IGSF3: variants seen among roughly 807,000 people sequenced by gnomAD.
IGSF3 encodes immunoglobulin superfamily member 3, also known as glu-Trp-Ile EWI motif-containing protein 3.
In IGSF3, 23 loss-of-function variants were observed where a neutral mutation model predicts 114.4. The ratio of observed to expected loss-of-function variants is 0.20; its 90% CI spans 0.14 to 0.28. IGSF3 has a LOEUF of 0.28. IGSF3 is among the 10% of genes least tolerant of loss of function. The probability of loss-of-function intolerance (pLI) is 1.00; values close to 1 mark genes in which losing one functional copy is unlikely to be tolerated. For missense variants in IGSF3, 1,172 were observed against 1,591.5 expected (o/e 0.74, Z 4.48); for synonymous variants, 571 against 645.2 (o/e 0.88, Z 1.74).
intron 4 of IGSF3, among the ~76,000 whole-genome samples, chr1:116,608,869 C>G (rs1359780789): frequency 6.6e-6 from 1 of 152,084 alleles, no homozygotes; most frequent in African/African-American, 2.4e-5. Context: ...CTACCCCCCG[C>G]CATGTGAATA....
intron 4 of IGSF3, among the ~76,000 whole-genome samples, chr1:116,608,970 G>A (rs1363035502): frequency 6.6e-6 from 1 of 152,028 alleles, no homozygotes; most frequent in Non-Finnish European, 1.5e-5. Context: ...CCACCTGTCA[G>A]ATCAAATCTC....
chr1:116,614,230 TC>T lies in IGSF3; in HGVS notation c.422-56del. 1 of 1,465,130 alleles carries T rather than the reference TC, an allele frequency of 6.8e-7. No individual in the cohort carries two copies. The highest frequency in any genetic ancestry group is 9.5e-7 in the Non-Finnish European group (1 of 1,055,280). The allele number at this position is 1,465,130 out of a possible 1,614,324, so 90.8% of individuals were successfully genotyped here. A position where few individuals can be genotyped will look rare whatever the true frequency, so the allele number is the denominator to read the frequency against. Reference sequence around the variant, plus strand: ...GTCACAAAGCCACAGAATCTGAGACTCCCAGGGCTAAGCTCCCATTCCACGC... The same window carrying T: ...GTCACAAAGCCACAGAATCTGAGACTCCAGGGCTAAGCTCCCATTCCACGC... On this transcript the variant is annotated intron_variant, in intron 3 of 10. Coordinates refer to ENST00000369486, the MANE Select transcript of IGSF3 (RefSeq NM_001007237.3). This position sits in a 1 kb window ranked among gnomAD's most constrained non-coding sequence, Gnocchi z 4.5.
chr1:116,612,440 T>C lies in IGSF3; in HGVS notation c.832+1325A>G, dbSNP rs560675455. ...AAATGTAGATAGCAGAAGAATCACCTGGGAAGCGTGCCGGAAATCCAGCTT... is the reference window on the plus strand; with the variant it reads ...AAATGTAGATAGCAGAAGAATCACCCGGGAAGCGTGCCGGAAATCCAGCTT... On this transcript the variant is annotated intron_variant, in intron 4 of 10. Transcript: ENST00000369486. The surrounding 1 kb of genome is among the most constrained non-coding windows in gnomAD (Gnocchi z 4.1). Among the ~76,000 whole-genome samples, 10 of 150,372 alleles carry C rather than the reference T, an allele frequency of 6.7e-5. No individual in the cohort carries two copies. Among genetic ancestry groups the C allele is most frequent in the Admixed American group, 3.3e-4 (5 of 15,132 alleles).
chr1:116,578,364 C>T (rs1168444241), intron 10 of IGSF3, among the ~76,000 whole-genome samples: 1 of 152,236 alleles, frequency 6.6e-6, no homozygotes, highest in Non-Finnish European at 1.5e-5. Flanking sequence ...TTCAGTGGAT[C>T]ACAGGGTGGT....
rs1454404671 is a variant in IGSF3, at chr1:116,616,756, C to A, written c.44-299G>T. 6.6e-6 allele frequency among the ~76,000 whole-genome samples: 1 copy of A among 152,182 alleles called. No homozygotes were observed. The highest frequency in any genetic ancestry group is 2.4e-5 in the African/African-American group (1 of 41,432). On this transcript the variant is annotated intron_variant, in intron 2 of 10. Transcript: ENST00000369486. The surrounding 1 kb of genome is among the most constrained non-coding windows in gnomAD (Gnocchi z 6.6). ...GCCCCTCTGTTTGTCATTTATATGGCAGTTTTATATCTATTTATTAATGCT... is the reference window on the plus strand; with the variant it reads ...GCCCCTCTGTTTGTCATTTATATGGAAGTTTTATATCTATTTATTAATGCT...
rs926850459 is a variant in IGSF3, at chr1:116,647,190, C to T, written c.43+19094G>A. Among the ~76,000 whole-genome samples, 6 of 152,208 alleles carry T rather than the reference C, an allele frequency of 3.9e-5. No individual in the cohort carries two copies. The highest frequency in any genetic ancestry group is 1.9e-4 in the East Asian group (1 of 5,196). ...ACCCAGGCAGCGATGCCCAAATGAC[C>T]GGCTGAGGAATCACCTCACTGCTGC... is the stretch of plus-strand genomic sequence containing the variant. On this transcript the variant is annotated intron_variant, in intron 2 of 10. Coordinates refer to ENST00000369486, the MANE Select transcript of IGSF3 (RefSeq NM_001007237.3). The surrounding 1 kb of genome is among the most constrained non-coding windows in gnomAD (Gnocchi z 4.6).
In IGSF3 at chr1:116,582,324, C is replaced by G. The variant is rs956152083; in HGVS notation, c.2848+2321G>C. Among the ~76,000 whole-genome samples the G allele has an allele frequency of 7.9e-5, 12 of 152,194 alleles. No individual in the cohort carries two copies. Among genetic ancestry groups the G allele is most frequent in the Admixed American group, 2.0e-4 (3 of 15,288 alleles). On this transcript the variant is annotated intron_variant, in intron 9 of 10. Coordinates refer to ENST00000369486, the MANE Select transcript of IGSF3 (RefSeq NM_001007237.3). This position sits in a 1 kb window ranked among gnomAD's most constrained non-coding sequence, Gnocchi z 4.7. Reference sequence around the variant, plus strand: ...TGCCGACCTCTGCCCCTGCTGTCTGCGTGACACTAACAGCTCCCCTGGATC... The same window carrying G: ...TGCCGACCTCTGCCCCTGCTGTCTGGGTGACACTAACAGCTCCCCTGGATC...
Position 116,585,024 on chromosome 1 carries a change from C to G in IGSF3, c.2469G>C (p.Gln823His). 6.5e-7 allele frequency: 1 copy of G among 1,547,500 alleles called. No homozygotes were observed. Among genetic ancestry groups the G allele is most frequent in the Non-Finnish European group, 8.7e-7 (1 of 1,143,028 alleles). Residue 823 changes from glutamine to histidine, a missense_variant, in exon 9 of 11, where the codon CAG (glutamine) becomes CAC (histidine). Physicochemically the swap from Gln to His is conservative, Grantham distance 24. Around this residue, in one of 3 missense-constraint regions of IGSF3, gnomAD observed 423 missense variants for 509.8 expected, o/e 0.83. Transcript: ENST00000369486. The surrounding 1 kb of genome is among the most constrained non-coding windows in gnomAD (Gnocchi z 4.9). ...PDSRLRLSQA[Q>H]GNLSVLETRQ... ...GGGTCTCCAGAACCGACAGGTTCCC[C>G]TGGGCTTGGCTGAGCCTCAGGCGGC...
At position 116,612,064 on chromosome 1, in the gene IGSF3, G is replaced by C. The variant is rs1661043585; in HGVS notation, c.832+1701C>G. Among the ~76,000 whole-genome samples, 1 of 152,138 alleles carries C rather than the reference G, an allele frequency of 6.6e-6. No homozygotes were observed. The highest frequency in any genetic ancestry group is 1.5e-5 in the Non-Finnish European group (1 of 68,028). ...GTTTTCCTTTTGCTGGCTTAGTCTAGATACATTTTCAGGGTAAATTCAAAA... is the reference window on the plus strand; with the variant it reads ...GTTTTCCTTTTGCTGGCTTAGTCTACATACATTTTCAGGGTAAATTCAAAA... On this transcript the variant is annotated intron_variant, in intron 4 of 10. Coordinates refer to ENST00000369486, the MANE Select transcript of IGSF3 (RefSeq NM_001007237.3). The surrounding 1 kb of genome is among the most constrained non-coding windows in gnomAD (Gnocchi z 4.1).
At chr1:116,619,173 A>G (rs1188480938) in intron 2 of IGSF3, among the ~76,000 whole-genome samples, 2 of 152,190 alleles carry the variant, frequency 1.3e-5, no homozygotes, top group Non-Finnish European at 2.9e-5. Flanking sequence ...AGACCCAATC[A>G]CTGGTTCAAG....
chr1:116,640,057 AGAAAG>A (rs1450685496), intron 2 of IGSF3, among the ~76,000 whole-genome samples: 5 of 133,960 alleles, frequency 3.7e-5, no homozygotes, highest in African/African-American at 1.8e-4. Context: ...AAAAAAAAAA[AGAAAG>A]AAAGAAAGAA....
chr1:116,617,369 C>T (rs2336250), intron 2 of IGSF3: 429 of 985,356 alleles, frequency 4.4e-4, no homozygotes, highest in Non-Finnish European at 5.0e-4. Flanking sequence ...ACTCAGAAGG[C>T]GGGAGGGGGC....
In IGSF3 at chr1:116,627,302, T is replaced by C. The variant is rs1288875013; in HGVS notation, c.44-10845A>G. On this transcript the variant is annotated intron_variant, in intron 2 of 10. Transcript: ENST00000369486. This position sits in a 1 kb window ranked among gnomAD's most constrained non-coding sequence, Gnocchi z 4.7. Reference sequence around the variant, plus strand: ...CATTTCACAGCAATTACTGTTGCTATTATTTTACGCTTCATTTCTGGACCT... The same window carrying C: ...CATTTCACAGCAATTACTGTTGCTACTATTTTACGCTTCATTTCTGGACCT... Among the ~76,000 whole-genome samples, 1 of 152,230 alleles carries C rather than the reference T, an allele frequency of 6.6e-6. No homozygotes were observed. The highest frequency in any genetic ancestry group is 2.4e-5 in the African/African-American group (1 of 41,450).
intron 2 of IGSF3, among the ~76,000 whole-genome samples, chr1:116,645,641 G>A (rs543711637): frequency 1.3e-5 from 2 of 152,312 alleles, no homozygotes; most frequent in South Asian, 4.1e-4. Flanking sequence ...CATTTGTACA[G>A]GTGGCTGCAT....
At position 116,596,610 on chromosome 1, in the gene IGSF3, G is replaced by C. The variant is rs985633550; in HGVS notation, c.2029+3331C>G. Among the ~76,000 whole-genome samples the C allele has an allele frequency of 6.6e-6, 1 of 152,208 alleles. No homozygotes were observed. Among genetic ancestry groups the C allele is most frequent in the African/African-American group, 2.4e-5 (1 of 41,446 alleles). On this transcript the variant is annotated intron_variant, in intron 7 of 10. Coordinates refer to ENST00000369486, the MANE Select transcript of IGSF3 (RefSeq NM_001007237.3). The surrounding 1 kb of genome is among the most constrained non-coding windows in gnomAD (Gnocchi z 4.1). ...TTTGCTAAAGGGGATTAGGAAATCA[G>C]GGGTGGTTAACCAGAGAGAGGAAAC...
At position 116,575,977 on chromosome 1, in the gene IGSF3, CAGAA is replaced by C. The variant is rs1659324794; in HGVS notation, c.*1331_*1334del. 1 of 152,208 alleles carries C rather than the reference CAGAA, an allele frequency of 6.6e-6. No individual in the cohort carries two copies. The highest frequency in any genetic ancestry group is 1.5e-5 in the Non-Finnish European group (1 of 68,074). The allele number at this position is 152,208 out of a possible 1,614,324, so 9.4% of individuals were successfully genotyped here. A position where few individuals can be genotyped will look rare whatever the true frequency, so the allele number is the denominator to read the frequency against. On this transcript the variant is annotated 3_prime_UTR_variant, in exon 11 of 11. Coordinates refer to ENST00000369486, the MANE Select transcript of IGSF3 (RefSeq NM_001007237.3). This position sits in a 1 kb window ranked among gnomAD's most constrained non-coding sequence, Gnocchi z 5.6. Reference sequence around the variant, plus strand: ...TCACAGTCTGCTGAGACTAGGCAAACAGAAAGGATGACAAAGGGCTGCGTCTGGA... The same window carrying C: ...TCACAGTCTGCTGAGACTAGGCAAACAGGATGACAAAGGGCTGCGTCTGGA...
rs1660019792 is a variant in IGSF3 at position 116,589,775 on chromosome 1, C to A, written c.2030-671G>T. The stretch of plus-strand genomic sequence containing the variant: ...TCCTAGATGGTGAGCTCCCCCAGGG[C>A]AGGGATCAAACTCCTTCCACTCAAT... On this transcript the variant is annotated intron_variant, in intron 7 of 10. Coordinates refer to ENST00000369486, the MANE Select transcript of IGSF3 (RefSeq NM_001007237.3). This position sits in a 1 kb window ranked among gnomAD's most constrained non-coding sequence, Gnocchi z 5.7. 6.6e-6 allele frequency among the ~76,000 whole-genome samples: 1 copy of A among 152,172 alleles called. No individual in the cohort carries two copies. The highest frequency in any genetic ancestry group is 1.5e-5 in the Non-Finnish European group (1 of 68,036).
chr1:116,579,271 C>T lies in IGSF3; in HGVS notation c.3334+121G>A. On this transcript the variant is annotated intron_variant, in intron 10 of 10. Transcript: ENST00000369486. This position sits in a 1 kb window ranked among gnomAD's most constrained non-coding sequence, Gnocchi z 6.4. ...CAATCCCACCATATCTCAAATCCTA[C>T]TAATAAATGCCCATGACAGTTAAGA... 7.7e-7 allele frequency: 1 copy of T among 1,299,624 alleles called. No individual in the cohort carries two copies. The highest frequency in any genetic ancestry group is 1.5e-5 in the South Asian group (1 of 65,196). 80.5% of individuals were successfully genotyped at this position (1,299,624 alleles called of 1,614,324 possible). A position where few individuals can be genotyped will look rare whatever the true frequency, so the allele number is the denominator to read the frequency against.
At chr1:116,586,147 G>C (rs1211353008) in intron 8 of IGSF3, among the ~76,000 whole-genome samples, 1 of 152,124 alleles carries the variant, frequency 6.6e-6, no homozygotes, top group Non-Finnish European at 1.5e-5. Context: ...GGGAGGTTGG[G>C]CACTTTCACT....
Sources: gnomAD v4.1 joint callset for allele counts (sites outside exome capture counted in the v4.1 genomes callset) on GRCh38, gnomAD v4.1.1 for gene constraint, gnomAD v4.1.1 regional missense constraint, Gnocchi (gnomAD v3.1) non-coding constraint, MANE v1.5 for transcripts, NCBI Gene and HGNC (gene_info 2026-07-23, HGNC 2026-07-21) for gene names.